The following TOP6BL variants were observed in gnomAD, a reference collection of about 807,000 sequenced individuals.
TOP6BL encodes type 2 DNA topoisomerase 6 subunit B-like.
chr11:66,800,981 A>T, the TOP6BL span: 16 of 1,591,000 alleles, frequency 1.0e-5, no homozygotes, highest in Non-Finnish European at 1.4e-5. Context: ...TCAAACAGAG[A>T]TTGATTTTAG....
chr11:66,815,128 G>C, the TOP6BL span, among the ~76,000 whole-genome samples: 1 of 152,208 alleles, frequency 6.6e-6, no homozygotes. Context: ...CAGTATCTTA[G>C]AGGGAATGAT....
chr11:66,793,444 GTTTTTTTTTTTTTT>G, the TOP6BL span, among the ~76,000 whole-genome samples: 9 of 97,982 alleles, frequency 9.2e-5, no homozygotes, highest in African/African-American at 3.4e-4. Flanking sequence ...TTCTTTTTTT[GTTTTTTTTTTTTTT>G]TTTTTTAGAC....
chr11:66,813,824 A>G, the TOP6BL span: 1 of 1,581,442 alleles, frequency 6.3e-7, no homozygotes. Context: ...ATACATAGTC[A>G]TAAGATACTA....
chr11:66,799,099 C>T, the TOP6BL span, among the ~76,000 whole-genome samples: 1 of 149,958 alleles, frequency 6.7e-6, no homozygotes, highest in Admixed American at 6.7e-5. Context: ...CCCAGCTACT[C>T]AGGAGGCTGA....
chr11:66,787,732 A>G, the TOP6BL span, among the ~76,000 whole-genome samples: 1 of 151,816 alleles, frequency 6.6e-6, no homozygotes, highest in Non-Finnish European at 1.5e-5. Context: ...AAAAAAAAAA[A>G]AAGGTACATG....
At chr11:66,747,953 A>C in the TOP6BL span, among the ~76,000 whole-genome samples, 1 of 152,170 alleles carries the variant, frequency 6.6e-6, no homozygotes, top group Non-Finnish European at 1.5e-5. Flanking sequence ...TCTGACCCTC[A>C]AAAGTGTTGA....
chr11:66,827,966 GAAAAA>G, the TOP6BL span, among the ~76,000 whole-genome samples: 2 of 30,120 alleles, frequency 6.6e-5, no homozygotes, highest in African/African-American at 2.3e-4. Flanking sequence ...CTCTGTCTCA[GAAAAA>G]AAAAAAAAAA....
chr11:66,825,628 C>T, the TOP6BL span, among the ~76,000 whole-genome samples: 1 of 152,132 alleles, frequency 6.6e-6, no homozygotes, highest in Non-Finnish European at 1.5e-5. Flanking sequence ...ATTTCAGATT[C>T]CCTGCCTCCA....
the TOP6BL span, chr11:66,828,623 TAG>T: frequency 1.8e-5 from 7 of 386,480 alleles, no homozygotes; most frequent in East Asian, 2.8e-4. Flanking sequence ...GGCAGGAGGG[TAG>T]ATTCAGTCCC....
chr11:66,745,884 C>T, the TOP6BL span, among the ~76,000 whole-genome samples: 1 of 152,228 alleles, frequency 6.6e-6, no homozygotes, highest in Non-Finnish European at 1.5e-5. Context: ...GATCCCGGCT[C>T]ACCGCAGTCT....
the TOP6BL span, among the ~76,000 whole-genome samples, chr11:66,838,070 C>G: frequency 6.6e-6 from 1 of 152,154 alleles, no homozygotes; most frequent in East Asian, 1.9e-4. Context: ...GATGAATGGG[C>G]ACACAGGATA....
the TOP6BL span, among the ~76,000 whole-genome samples, chr11:66,760,450 C>CA: frequency 4.0e-3 from 421 of 105,656 alleles, 4 homozygotes; most frequent in Admixed American, 0.024. Context: ...GACTCTGTCT[C>CA]AAAAAAAAAA....
chr11:66,813,873 A>C, the TOP6BL span: 3 of 1,613,796 alleles, frequency 1.9e-6, no homozygotes, highest in East Asian at 2.2e-5. Context: ...ACATATTTCT[A>C]TATGGACCTT....
chr11:66,830,926 A>G, the TOP6BL span, among the ~76,000 whole-genome samples: 1 of 152,234 alleles, frequency 6.6e-6, no homozygotes, highest in African/African-American at 2.4e-5. Flanking sequence ...CATTAATAAG[A>G]ACACAACTCG....
the TOP6BL span, chr11:66,813,936 C>T: frequency 1.2e-6 from 2 of 1,613,678 alleles, no homozygotes; most frequent in Non-Finnish European, 1.7e-6. Flanking sequence ...CTACTTTCTT[C>T]AAAGATACCT....
At chr11:66,810,046 C>T in the TOP6BL span, among the ~76,000 whole-genome samples, 2 of 152,064 alleles carry the variant, frequency 1.3e-5, no homozygotes, top group Non-Finnish European at 2.9e-5. Flanking sequence ...ATAAAAAAAT[C>T]TTAAAAGCAG....
the TOP6BL span, among the ~76,000 whole-genome samples, chr11:66,822,333 T>C: frequency 1.3e-5 from 2 of 152,228 alleles, no homozygotes; most frequent in African/African-American, 4.8e-5. Flanking sequence ...TCTTCTCTGA[T>C]GTGTCTGTGT....
chr11:66,838,818 G>A, the TOP6BL span, among the ~76,000 whole-genome samples: 1 of 152,092 alleles, frequency 6.6e-6, no homozygotes, highest in African/African-American at 2.4e-5. Context: ...TGCAAGCTCC[G>A]CCTCCCGGGT....
At chr11:66,785,181 A>G in the TOP6BL span, among the ~76,000 whole-genome samples, 1 of 149,210 alleles carries the variant, frequency 6.7e-6, no homozygotes, top group African/African-American at 2.5e-5. Context: ...CTGGTCTTGA[A>G]CTCCTGACCT....
Sources: allele counts gnomAD v4.1 joint callset (sites outside exome capture counted in the v4.1 genomes callset), GRCh38; gene constraint gnomAD v4.1.1; transcripts MANE v1.5; gene names NCBI Gene and HGNC (gene_info 2026-07-23, HGNC 2026-07-21).